Variants in SPON1 observed in about 807,000 individuals in gnomAD.
SPON1 encodes the protein spondin-1.
Under a neutral mutation model 111.7 loss-of-function variants are expected in SPON1, and 52 were observed. That is an observed-to-expected ratio of 0.47 (90% CI 0.37 to 0.59). SPON1 has a LOEUF of 0.59. Ranked by LOEUF, SPON1 falls within the 20% of genes least tolerant of loss-of-function variation. The probability of loss-of-function intolerance (pLI) is 0.00; values close to 1 mark genes in which losing one functional copy is unlikely to be tolerated. For missense variants in SPON1, 957 were observed against 1,068.5 expected (o/e 0.90, Z 1.46); for synonymous variants, 410 against 395.8 (o/e 1.04, Z -0.43).
intron 6 of SPON1, among the ~76,000 whole-genome samples, chr11:14,211,584 C>A (rs572740676): frequency 6.6e-6 from 1 of 152,194 alleles, no homozygotes; most frequent in African/African-American, 2.4e-5. Flanking sequence ...CAGTGCTATC[C>A]CCATCAAGCT....
At chr11:14,085,958 T>C (rs1554922554) in intron 5 of SPON1, among the ~76,000 whole-genome samples, 1 of 152,204 alleles carries the variant, frequency 6.6e-6, no homozygotes, top group Non-Finnish European at 1.5e-5. Flanking sequence ...TTGCCTATTA[T>C]TGGTGTATAG....
At chr11:14,071,665 G>A (rs1554920916) in intron 3 of SPON1, among the ~76,000 whole-genome samples, 1 of 152,134 alleles carries the variant, frequency 6.6e-6, no homozygotes, top group Non-Finnish European at 1.5e-5. Context: ...ACTGAAAAGT[G>A]AATAGGTAAC....
At chr11:14,256,716 G>A (rs1554941259) in intron 10 of SPON1, 24 bp downstream of exon 10, 1 of 1,585,954 alleles carries the variant, frequency 6.3e-7, no homozygotes, top group Non-Finnish European at 8.7e-7. Flanking sequence ...TTTTGTTGCA[G>A]GTGGCAACAT....
intron 1 of SPON1, among the ~76,000 whole-genome samples, chr11:13,963,886 G>A (rs1357665135): frequency 6.6e-6 from 1 of 152,222 alleles, no homozygotes; most frequent in Non-Finnish European, 1.5e-5. Flanking sequence ...GATGAAGATG[G>A]AAAGAGAAGC....
chr11:14,256,293 C>T (rs1378353374), intron 9 of SPON1, among the ~76,000 whole-genome samples: 1 of 152,194 alleles, frequency 6.6e-6, no homozygotes, highest in Non-Finnish European at 1.5e-5. Context: ...ATTAACTCAG[C>T]AGTGAGGCCC....
chr11:14,025,394 G>A (rs1554915207), intron 2 of SPON1, among the ~76,000 whole-genome samples: 1 of 152,206 alleles, frequency 6.6e-6, no homozygotes, highest in Non-Finnish European at 1.5e-5. Context: ...AATGCTAGGT[G>A]CTGGTGACCC....
chr11:14,254,729 G>GGT lies in SPON1; in HGVS notation c.1092+12_1092+13dup, dbSNP rs144833103. 1.3e-5 allele frequency: 21 copies of GGT among 1,609,970 alleles called. No individual in the cohort carries two copies. Among genetic ancestry groups the GGT allele is most frequent in the African/African-American group, 4.0e-5 (3 of 74,934 alleles). ...GCACCGACAGCGGGGTGACCTATGAGGTGTGTGTGTGTGCCTGGAGTGGTG... is the reference window on the plus strand; with the variant it reads ...GCACCGACAGCGGGGTGACCTATGAGGTGTGTGTGTGTGTGCCTGGAGTGGTG... On this transcript the variant is annotated frameshift_variant and splice_region_variant. Transcript: ENST00000576479. LOFTEE classifies it high-confidence loss of function.
intron 6 of SPON1, among the ~76,000 whole-genome samples, chr11:14,157,383 T>G (rs1266177554): frequency 1.3e-5 from 2 of 152,216 alleles, no homozygotes; most frequent in African/African-American, 2.4e-5. Context: ...TTTCATGATT[T>G]CTGTTGAGAA....
At chr11:14,194,251 C>A (rs1848377195) in intron 6 of SPON1, among the ~76,000 whole-genome samples, 1 of 152,136 alleles carries the variant, frequency 6.6e-6, no homozygotes, top group African/African-American at 2.4e-5. Flanking sequence ...GGGTACTTGA[C>A]AAAAGCTCTA....
chr11:13,999,160 G>T (rs1848296766), intron 2 of SPON1, among the ~76,000 whole-genome samples: 1 of 152,040 alleles, frequency 6.6e-6, no homozygotes. Context: ...GATATTTAGA[G>T]AATTTTTAAT....
intron 2 of SPON1, among the ~76,000 whole-genome samples, chr11:14,006,159 A>G (rs2133795511): frequency 6.6e-6 from 1 of 152,334 alleles, no homozygotes; most frequent in South Asian, 2.1e-4. Flanking sequence ...TCTGGGAATG[A>G]CAAGGAGTTC....
chr11:14,122,362 A>G (rs539161382), intron 5 of SPON1, among the ~76,000 whole-genome samples: 78 of 152,200 alleles, frequency 5.1e-4, no homozygotes, highest in Non-Finnish European at 5.4e-4. Flanking sequence ...TTTAGTAGAG[A>G]CAGGGTTTCA....
chr11:14,175,723 G>A (rs1009006870), intron 6 of SPON1, among the ~76,000 whole-genome samples: 2 of 152,134 alleles, frequency 1.3e-5, no homozygotes, highest in Non-Finnish European at 2.9e-5. Context: ...CAGGTTTCTA[G>A]GTTCCCTTTC....
intron 6 of SPON1, among the ~76,000 whole-genome samples, chr11:14,209,497 T>G (rs1848552132): frequency 6.6e-6 from 1 of 152,272 alleles, no homozygotes; most frequent in South Asian, 2.1e-4. Flanking sequence ...CACTTATGAA[T>G]GAGAACATAC....
At chr11:14,145,134 A>G (rs1847703053) in intron 6 of SPON1, among the ~76,000 whole-genome samples, 2 of 152,230 alleles carry the variant, frequency 1.3e-5, no homozygotes, top group African/African-American at 2.4e-5. Context: ...TTTGAGTCAT[A>G]TGAAACCTCT....
chr11:14,072,092 G>A (rs78684224), intron 3 of SPON1, among the ~76,000 whole-genome samples: 11,010 of 152,162 alleles, frequency 0.072, 474 homozygotes, highest in South Asian at 0.19. Context: ...ATATCTAAAA[G>A]TTTCTGAATT....
At chr11:14,033,284 A>C (rs1848571884) in intron 2 of SPON1, among the ~76,000 whole-genome samples, 1 of 152,182 alleles carries the variant, frequency 6.6e-6, no homozygotes, top group Admixed American at 6.5e-5. Flanking sequence ...CCTGAAGACA[A>C]ATGTCCCAGA....
intron 3 of SPON1, among the ~76,000 whole-genome samples, chr11:14,059,201 G>C (rs1274039636): frequency 1.3e-5 from 2 of 152,112 alleles, no homozygotes; most frequent in African/African-American, 2.4e-5. Context: ...TTTTACCCAG[G>C]GTGGCTGCAG....
chr11:14,251,445 G>C (rs2133922443), intron 7 of SPON1, among the ~76,000 whole-genome samples: 1 of 152,342 alleles, frequency 6.6e-6, no homozygotes, highest in South Asian at 2.1e-4. Context: ...CTTGGTCTCA[G>C]ATGGTTACAC....
Sources: gnomAD v4.1 joint callset for allele counts (sites outside exome capture counted in the v4.1 genomes callset) on GRCh38, gnomAD v4.1.1 for gene constraint, MANE v1.5 for transcripts, NCBI Gene and HGNC (gene_info 2026-07-23, HGNC 2026-07-21) for gene names.